SCN2A: variants seen among roughly 807,000 people sequenced by gnomAD.
SCN2A encodes sodium voltage-gated channel alpha subunit 2, also known as sodium channel protein type 2 subunit alpha.
In SCN2A, 20 loss-of-function variants were observed where a neutral mutation model predicts 188.7. The observed-to-expected ratio is 0.11, with a 90% CI of 0.07 to 0.15. The LOEUF (loss-of-function observed/expected upper bound fraction) is 0.15. Ranked by LOEUF, SCN2A falls within the 10% of genes least tolerant of loss-of-function variation. The pLI is 1.00. For missense variants in SCN2A, 1,278 were observed against 2,445.0 expected (o/e 0.52, Z 10.07); for synonymous variants, 804 against 833.1 (o/e 0.97, Z 0.60).
chr2:165,363,220 A>G (rs562023870), intron 17 of SCN2A, among the ~76,000 whole-genome samples: 1 of 152,084 alleles, frequency 6.6e-6, no homozygotes, highest in African/African-American at 2.4e-5. Context: ...GACCTGTAAC[A>G]TACTTAGCAC....
rs1345218622 is a variant in SCN2A at position 165,239,501 on chromosome 2, T to C, written c.-191T>C. The C allele has an allele frequency of 2.7e-6, 1 of 364,024 alleles. No individual in the cohort carries two copies. The highest frequency in any genetic ancestry group is 2.2e-5 in the African/African-American group (1 of 45,360). 22.5% of individuals were successfully genotyped at this position (364,024 alleles called of 1,614,324 possible). A position where few individuals can be genotyped will look rare whatever the true frequency, so the allele number is the denominator to read the frequency against. On this transcript the variant is annotated 5_prime_UTR_variant, in exon 1 of 27. Transcript: ENST00000375437. ...TGCTGTGGTCATCCTTTCTTGTTTT[T>C]TTCTTCTTTAATGAGGATAGAGCAC...
intron 14 of SCN2A, among the ~76,000 whole-genome samples, chr2:165,339,167 G>A (rs187728600): frequency 6.6e-6 from 1 of 151,882 alleles, no homozygotes; most frequent in African/African-American, 2.4e-5. Context: ...GTTGCAGTGA[G>A]CCGAGATTAA....
In SCN2A at chr2:165,307,953, T is replaced by G; in HGVS notation, c.476+16T>G. ...AGAATGTGGAGTAAGTATAAATATT[T>G]TTCAATATTGACCTCCCTTTATGTT... On this transcript the variant is annotated intron_variant, in intron 4 of 26. Coordinates refer to ENST00000375437, the MANE Select transcript of SCN2A (RefSeq NM_001040142.2). 1 of 1,512,916 alleles carries G rather than the reference T, an allele frequency of 6.6e-7. No homozygotes were observed. The highest frequency in any genetic ancestry group is 9.2e-7 in the Non-Finnish European group (1 of 1,088,050). 93.7% of individuals were successfully genotyped at this position (1,512,916 alleles called of 1,614,324 possible).
At chr2:165,380,869 G>A in intron 24 of SCN2A, 140 bp downstream of exon 24, 1 of 779,994 alleles carries the variant, frequency 1.3e-6, no homozygotes, top group South Asian at 1.8e-5. Context: ...TAATCGATAA[G>A]CTTTTAAGCA....
At chr2:165,350,877 C>G (rs542919218) in intron 16 of SCN2A, among the ~76,000 whole-genome samples, 1 of 152,254 alleles carries the variant, frequency 6.6e-6, no homozygotes, top group African/African-American at 2.4e-5. Context: ...TAACTTGACT[C>G]ACACAAATAT....
At chr2:165,312,198 A>C in intron 8 of SCN2A, 110 bp downstream of exon 8, 1 of 792,914 alleles carries the variant, frequency 1.3e-6, no homozygotes, top group Non-Finnish European at 2.2e-6. Context: ...AACCCTCCAT[A>C]AATTCTACTT....
intron 1 of SCN2A, among the ~76,000 whole-genome samples, chr2:165,259,709 C>T (rs746321593): frequency 7.9e-4 from 121 of 152,282 alleles, no homozygotes; most frequent in Non-Finnish European, 1.3e-3. Flanking sequence ...TCTGCAGTTA[C>T]TTCCTCCACC....
chr2:165,259,755 TG>T (rs1694489747), intron 1 of SCN2A, among the ~76,000 whole-genome samples: 1 of 152,140 alleles, frequency 6.6e-6, no homozygotes, highest in Non-Finnish European at 1.5e-5. Context: ...CCATGACGAC[TG>T]GAATCAACTT....
At chr2:165,316,251 G>T (rs970637551) in intron 11 of SCN2A, among the ~76,000 whole-genome samples, 2 of 152,198 alleles carry the variant, frequency 1.3e-5, no homozygotes, top group Non-Finnish European at 2.9e-5. Flanking sequence ...TCTAAAAGTA[G>T]CCAAAACTCT....
At chr2:165,357,319 A>T (rs984668483) in intron 17 of SCN2A, among the ~76,000 whole-genome samples, 1 of 152,144 alleles carries the variant, frequency 6.6e-6, no homozygotes, top group Non-Finnish European at 1.5e-5. Context: ...GGGGGACAGG[A>T]TTACATTGTT....
intron 17 of SCN2A, among the ~76,000 whole-genome samples, chr2:165,360,310 GA>G (rs1700397521): frequency 6.6e-6 from 1 of 151,790 alleles, no homozygotes; most frequent in African/African-American, 2.4e-5. Flanking sequence ...GCTGTCTAAA[GA>G]AAAACTATTC....
chr2:165,265,236 T>A (rs1694787127), intron 1 of SCN2A, among the ~76,000 whole-genome samples: 3 of 151,478 alleles, frequency 2.0e-5, no homozygotes, highest in Non-Finnish European at 1.5e-5. Context: ...TGATGTAGAG[T>A]TTTTTTATAT....
intron 12 of SCN2A, among the ~76,000 whole-genome samples, chr2:165,325,315 C>A (rs1193828775): frequency 6.6e-6 from 1 of 152,202 alleles, no homozygotes; most frequent in Admixed American, 6.5e-5. Context: ...TTTCCTGCTT[C>A]CTCAACTTCA....
chr2:165,314,140 T>C (rs1261196439), intron 10 of SCN2A, 32 bp downstream of exon 10: 2 of 1,599,388 alleles, frequency 1.3e-6, no homozygotes, highest in East Asian at 2.2e-5. Context: ...TCCTTTGTTT[T>C]TCTTTATCTA....
chr2:165,360,585 G>C (rs1700409981), intron 17 of SCN2A, among the ~76,000 whole-genome samples: 2 of 151,828 alleles, frequency 1.3e-5, no homozygotes, highest in African/African-American at 4.8e-5. Flanking sequence ...GAAAGTAAAT[G>C]ATTGCCAATG....
At chr2:165,264,524 C>A (rs972787024) in intron 1 of SCN2A, among the ~76,000 whole-genome samples, 1 of 152,016 alleles carries the variant, frequency 6.6e-6, no homozygotes, top group Non-Finnish European at 1.5e-5. Context: ...TGAAAGCATT[C>A]CCCCTGAGAA....
At chr2:165,274,777 C>T (rs1297191047) in intron 1 of SCN2A, among the ~76,000 whole-genome samples, 1 of 152,194 alleles carries the variant, frequency 6.6e-6, no homozygotes. Context: ...CTGTACTTTT[C>T]ATATCCGTAA....
intron 23 of SCN2A, among the ~76,000 whole-genome samples, chr2:165,380,236 A>G (rs927453481): frequency 2.0e-5 from 3 of 151,846 alleles, no homozygotes; most frequent in African/African-American, 7.2e-5. Flanking sequence ...AAGTTTTGAC[A>G]TAGAATAATG....
Position 165,388,795 on chromosome 2 carries a change from C to T in SCN2A, c.4989C>T (p.Ile1663=), listed in dbSNP as rs373347369. The change falls in exon 27 of 27, where the codon ATC becomes ATT. Residue 1663 remains isoleucine, a synonymous_variant. Coordinates refer to ENST00000375437, the MANE Select transcript of SCN2A (RefSeq NM_001040142.2). Reference sequence around the variant, plus strand: ...TGTCCCTTCCTGCGTTGTTTAACATCGGCCTCCTTCTTTTCCTGGTCATGT... The same window carrying T: ...TGTCCCTTCCTGCGTTGTTTAACATTGGCCTCCTTCTTTTCCTGGTCATGT... The part of the protein sequence containing the change: ...LMMSLPALFN[I]GLLLFLVMFI... 104 of 1,614,102 alleles carry T rather than the reference C, an allele frequency of 6.4e-5. No homozygotes were observed. In the Admixed American group the frequency reaches 1.5e-3, roughly 24 times the overall value.
Sources: allele counts gnomAD v4.1 joint callset (sites outside exome capture counted in the v4.1 genomes callset), GRCh38; gene constraint gnomAD v4.1.1; transcripts MANE v1.5; gene names NCBI Gene and HGNC (gene_info 2026-07-23, HGNC 2026-07-21).